The following SAMD5 variants were observed in gnomAD, a reference collection of about 807,000 sequenced individuals.
SAMD5 encodes the protein sterile alpha motif domain-containing protein 5.
SAMD5 carries 13 observed loss-of-function variants against 11.3 expected under a neutral mutation model. That is an observed-to-expected ratio of 1.15 (90% CI 0.75 to 1.83). SAMD5 has a LOEUF of 1.83. Among genes scored for constraint, SAMD5 ranks in the 40% most tolerant of loss-of-function variants. The pLI is 0.00. For synonymous variants in SAMD5, 129 were observed against 111.3 expected, an observed-to-expected ratio of 1.16 and a Z score of -1.00; for missense variants, 255 against 239.1, an observed-to-expected ratio of 1.07 and a Z score of -0.44.
chr6:147,809,075 T>C, the SAMD5 span, among the ~76,000 whole-genome samples: 1 of 152,198 alleles, frequency 6.6e-6, no homozygotes, highest in Admixed American at 6.6e-5. Context: ...TAACATCTTA[T>C]AGTAAAACAG....
chr6:147,857,440 G>C, the SAMD5 span, among the ~76,000 whole-genome samples: 6 of 151,762 alleles, frequency 4.0e-5, no homozygotes, highest in African/African-American at 1.2e-4. Context: ...TCAGGATGTC[G>C]AGACTGCAGT....
At chr6:147,826,364 AT>A in the SAMD5 span, among the ~76,000 whole-genome samples, 1 of 152,134 alleles carries the variant, frequency 6.6e-6, no homozygotes, top group Non-Finnish European at 1.5e-5. Context: ...AATGGCTAGC[AT>A]TTCCAGAATG....
At chr6:147,582,856 T>C (rs757054014) in intron 1 of SAMD5, among the ~76,000 whole-genome samples, 10 of 152,190 alleles carry the variant, frequency 6.6e-5, no homozygotes, top group Non-Finnish European at 1.0e-4. Flanking sequence ...CCAGTGTTCA[T>C]GGTCAGCAGC....
the SAMD5 span, among the ~76,000 whole-genome samples, chr6:147,856,343 G>A: frequency 6.6e-6 from 1 of 152,178 alleles, no homozygotes; most frequent in Non-Finnish European, 1.5e-5. Flanking sequence ...GAAAGTTGGG[G>A]TGACGCATAT....
chr6:147,594,366 A>T (rs1024590435), intron 1 of SAMD5, among the ~76,000 whole-genome samples: 3 of 152,160 alleles, frequency 2.0e-5, no homozygotes, highest in African/African-American at 7.2e-5. Context: ...CAGCTGTTGT[A>T]AAAGGTTTTG....
chr6:147,840,100 T>C, the SAMD5 span, among the ~76,000 whole-genome samples: 3 of 152,234 alleles, frequency 2.0e-5, no homozygotes, highest in Non-Finnish European at 4.4e-5. Context: ...TCAAAGGAAA[T>C]GTCTGTATAC....
intron 1 of SAMD5, among the ~76,000 whole-genome samples, chr6:147,715,691 T>C (rs1259993710): frequency 2.6e-5 from 4 of 152,212 alleles, no homozygotes; most frequent in African/African-American, 9.6e-5. Flanking sequence ...AAGAATGAAG[T>C]ATGTGGATAA....
chr6:147,834,838 A>T, the SAMD5 span, among the ~76,000 whole-genome samples: 1 of 152,218 alleles, frequency 6.6e-6, no homozygotes, highest in Non-Finnish European at 1.5e-5. Context: ...GCTTGATTCA[A>T]TGGGAAACTA....
chr6:147,574,794 T>C (rs1427290115), downstream of SAMD5, among the ~76,000 whole-genome samples: 1 of 152,184 alleles, frequency 6.6e-6, no homozygotes, highest in African/African-American at 2.4e-5. Flanking sequence ...ATACCATTAC[T>C]GAGGGAGCAC....
chr6:147,775,548 T>C, the SAMD5 span, among the ~76,000 whole-genome samples: 1,208 of 152,320 alleles, frequency 7.9e-3, 11 homozygotes, highest in African/African-American at 0.028. Flanking sequence ...AATAAATGTA[T>C]ATTAATTCAG....
the SAMD5 span, among the ~76,000 whole-genome samples, chr6:147,789,730 C>T: frequency 6.6e-6 from 1 of 152,170 alleles, no homozygotes; most frequent in Admixed American, 6.5e-5. Flanking sequence ...TACTCAGGCT[C>T]CTCTTAGCTA....
chr6:147,789,203 C>T, the SAMD5 span, among the ~76,000 whole-genome samples: 1 of 151,688 alleles, frequency 6.6e-6, no homozygotes. Context: ...GGAGTTCAAA[C>T]TTACTGTGAG....
the SAMD5 span, among the ~76,000 whole-genome samples, chr6:147,924,280 T>G: frequency 1.3e-5 from 2 of 152,086 alleles, no homozygotes; most frequent in Non-Finnish European, 2.9e-5. Context: ...GCCTCTTTGG[T>G]TTACACCTAA....
At chr6:147,729,021 T>C (rs1378670690) in intron 1 of SAMD5, among the ~76,000 whole-genome samples, 1 of 152,208 alleles carries the variant, frequency 6.6e-6, no homozygotes, top group Non-Finnish European at 1.5e-5. Flanking sequence ...TTGTTCGCAG[T>C]TCTGGAGGTG....
intron 1 of SAMD5, among the ~76,000 whole-genome samples, chr6:147,537,670 CGG>C (rs1006119719): frequency 1.3e-4 from 19 of 151,578 alleles, no homozygotes; most frequent in Non-Finnish European, 2.2e-4. Flanking sequence ...AGGAGAATGG[CGG>C]GTGAACCCGG....
chr6:147,824,365 A>G, the SAMD5 span, among the ~76,000 whole-genome samples: 2 of 152,250 alleles, frequency 1.3e-5, no homozygotes, highest in Non-Finnish European at 2.9e-5. Flanking sequence ...AAATGTTTTT[A>G]AACGATGAGT....
rs934822466 is a variant in SAMD5 at position 147,615,033 on chromosome 6, T to C, written c.162+105646T>C. 3.0e-4 allele frequency among the ~76,000 whole-genome samples: 46 copies of C among 152,086 alleles called. 1 individual carries two copies. The highest frequency in any genetic ancestry group is 1.1e-3 in the African/African-American group (45 of 41,356). ...CATATGACAACTATTTACATACCAT[T>C]TGCATTGTATTAGGTATTATAAGTA... On this transcript the variant is annotated intron_variant, in intron 1 of 1. Coordinates refer to the SAMD5 transcript ENST00000566741.
At chr6:147,869,239 C>G in the SAMD5 span, among the ~76,000 whole-genome samples, 1 of 152,188 alleles carries the variant, frequency 6.6e-6, no homozygotes, top group Non-Finnish European at 1.5e-5. Context: ...ATGAAGGGGT[C>G]CCCTCTGATT....
chr6:147,849,061 AC>A, the SAMD5 span, among the ~76,000 whole-genome samples: 13 of 152,040 alleles, frequency 8.6e-5, no homozygotes, highest in East Asian at 2.3e-3. Context: ...TAGTTTGCCA[AC>A]CCCTCCTTTA....
Sources: gnomAD v4.1 joint callset for allele counts (sites outside exome capture counted in the v4.1 genomes callset) on GRCh38, gnomAD v4.1.1 for gene constraint, MANE v1.5 for transcripts, NCBI Gene and HGNC (gene_info 2026-07-23, HGNC 2026-07-21) for gene names.